Variants in TTC7B observed in about 807,000 individuals in gnomAD.
TTC7B encodes the protein tetratricopeptide repeat protein 7B.
A neutral mutation model predicts 106.8 loss-of-function variants in TTC7B; 28 were observed. The observed-to-expected ratio is 0.26, with a 90% CI of 0.19 to 0.36. The LOEUF is 0.36. TTC7B is among the 10% of genes least tolerant of loss of function. TTC7B has a pLI of 1.00. For synonymous variants in TTC7B, 405 were observed against 430.6 expected, an observed-to-expected ratio of 0.94 and a Z score of 0.74; for missense variants, 862 against 1,076.4, an observed-to-expected ratio of 0.80 and a Z score of 2.79.
Position 90,658,449 on chromosome 14 carries a change from G to A in TTC7B, c.1153-62C>T, listed in dbSNP as rs1312849231. 8 of 1,464,314 alleles carry A rather than the reference G, an allele frequency of 5.5e-6. No homozygotes were observed. The East Asian group carries it at 1.8e-4, about 33-fold the overall frequency. The allele number at this position is 1,464,314 out of a possible 1,614,324, so 90.7% of individuals were successfully genotyped here. A position where few individuals can be genotyped will look rare whatever the true frequency, so the allele number is the denominator to read the frequency against. ...AATCACTGGTGCCACAACTGCACAA[G>A]TGTGAGTTTGTATCTATGCACACTA... On this transcript the variant is annotated intron_variant, in intron 9 of 19. Coordinates refer to ENST00000328459, the MANE Select transcript of TTC7B (RefSeq NM_001010854.2).
rs774730964 is a variant in TTC7B, at chr14:90,689,632, C to G, written c.858G>C (p.Pro286=). The G allele has an allele frequency of 6.2e-7, 1 of 1,614,010 alleles. No individual in the cohort carries two copies. The highest frequency in any genetic ancestry group is 8.5e-7 in the Non-Finnish European group (1 of 1,180,014). The part of the protein sequence containing the change: ...QSYWNPLEDP[P]CQSPLDDPLR... ...GAGGATCGTCCAGAGGTGACTGGCA[C>G]GGTGGATCCTCCAGAGGGTTCCAGT... The change falls in exon 7 of 20, where the codon CCG becomes CCC. Residue 286 remains proline, a synonymous_variant. Coordinates refer to ENST00000328459, the MANE Select transcript of TTC7B (RefSeq NM_001010854.2).
intron 9 of TTC7B, chr14:90,675,257 A>G (rs1886784577): frequency 6.6e-6 from 1 of 152,214 alleles, no homozygotes; most frequent in African/African-American, 2.4e-5. Context: ...TTGAACCTAG[A>G]GAGGTGATAA....
intron 3 of TTC7B, among the ~76,000 whole-genome samples, chr14:90,777,559 C>A (rs912508255): frequency 1.3e-5 from 2 of 152,118 alleles, no homozygotes; most frequent in African/African-American, 4.8e-5. Context: ...CCTCAGGTCA[C>A]CAGGGAAAAG....
rs1595330464 is a variant in TTC7B at position 90,730,092 on chromosome 14, G to A, written c.681C>T (p.Val227=). 2 of 1,611,836 alleles carry A rather than the reference G, an allele frequency of 1.2e-6. No individual in the cohort carries two copies. The highest frequency in any genetic ancestry group is 2.2e-5 in the East Asian group (1 of 44,824). ...TGGCTTACCCATTTTTGAAATAGAG[G>A]ACATGGGCTCTCTGAAGTCCTGTTT... ...FLETGLQRAH[V]LYFKNGNLTR... Residue 227 remains valine (V), a synonymous_variant, in exon 5 of 20, where the codon GTC becomes GTT. Coordinates refer to ENST00000328459, the MANE Select transcript of TTC7B (RefSeq NM_001010854.2).
At position 90,808,263 on chromosome 14, in the gene TTC7B, T is replaced by C. The variant is rs1172370433; in HGVS notation, c.121+7912A>G. ...GAGTTCGAGACCAGAGTGGGCAACATAGGGAAACCCGTCTCTACAGAAAAA... is the reference window on the plus strand; with the variant it reads ...GAGTTCGAGACCAGAGTGGGCAACACAGGGAAACCCGTCTCTACAGAAAAA... On this transcript the variant is annotated intron_variant, in intron 1 of 19. Coordinates refer to ENST00000328459, the MANE Select transcript of TTC7B (RefSeq NM_001010854.2). The surrounding 1 kb of genome is among the most constrained non-coding windows in gnomAD (Gnocchi z 4.2). Among the ~76,000 whole-genome samples the C allele has an allele frequency of 6.6e-6, 1 of 151,956 alleles. No homozygotes were observed. Among genetic ancestry groups the C allele is most frequent in the Non-Finnish European group, 1.5e-5 (1 of 67,990 alleles).
intron 15 of TTC7B, among the ~76,000 whole-genome samples, chr14:90,622,306 A>C (rs1245151665): frequency 6.6e-6 from 1 of 151,932 alleles, no homozygotes; most frequent in African/African-American, 2.4e-5. Flanking sequence ...TTTAGTAAAG[A>C]CAGGGTTTCA....
intron 3 of TTC7B, among the ~76,000 whole-genome samples, chr14:90,754,290 C>T (rs977385258): frequency 4.6e-5 from 7 of 152,214 alleles, no homozygotes; most frequent in Non-Finnish European, 7.3e-5. Flanking sequence ...CTCACACTCT[C>T]GTCTCTATGA....
intron 3 of TTC7B, among the ~76,000 whole-genome samples, chr14:90,773,420 A>G (rs1207828211): frequency 6.6e-6 from 1 of 152,180 alleles, no homozygotes; most frequent in Admixed American, 6.5e-5. Context: ...AAGTGGAAAG[A>G]GTATGGATGC....
intron 13 of TTC7B, among the ~76,000 whole-genome samples, chr14:90,652,239 T>C (rs1885751430): frequency 6.6e-6 from 1 of 152,176 alleles, no homozygotes; most frequent in South Asian, 2.1e-4. Context: ...CTTCCTCACT[T>C]GTGTGTGGTA....
chr14:90,588,437 G>T (rs1445777238), intron 18 of TTC7B, among the ~76,000 whole-genome samples: 1 of 152,162 alleles, frequency 6.6e-6, no homozygotes, highest in East Asian at 1.9e-4. Context: ...CCATCCCAAG[G>T]TGGAAATTGA....
chr14:90,791,045 C>T (rs926904845), intron 1 of TTC7B, among the ~76,000 whole-genome samples: 1 of 152,072 alleles, frequency 6.6e-6, no homozygotes, highest in African/African-American at 2.4e-5. Flanking sequence ...CCTGACCTCC[C>T]GACTCAGCAC....
chr14:90,781,467 G>A (rs1891218126), intron 2 of TTC7B, among the ~76,000 whole-genome samples: 1 of 152,180 alleles, frequency 6.6e-6, no homozygotes, highest in Admixed American at 6.5e-5. Context: ...TAAAGCTGTT[G>A]CAAAAACCAA....
intron 17 of TTC7B, among the ~76,000 whole-genome samples, chr14:90,594,288 T>C (rs1035413471): frequency 3.3e-5 from 5 of 152,316 alleles, no homozygotes; most frequent in African/African-American, 1.2e-4. Flanking sequence ...GTTCAGAATA[T>C]GCACCTGCCT....
At chr14:90,666,899 C>T (rs188325894) in intron 9 of TTC7B, among the ~76,000 whole-genome samples, 32 of 152,320 alleles carry the variant, frequency 2.1e-4, no homozygotes, top group African/African-American at 6.0e-4. Flanking sequence ...CTCAACTCTA[C>T]GAATCAAGTA....
At chr14:90,549,190 TG>T (rs1474813178) in intron 19 of TTC7B, among the ~76,000 whole-genome samples, 3 of 151,110 alleles carry the variant, frequency 2.0e-5, no homozygotes, top group Non-Finnish European at 4.4e-5. Flanking sequence ...TTGCAGCTGG[TG>T]GAGGTCAAAC....
In TTC7B at chr14:90,570,122, C is replaced by T. The variant is rs1595167321; in HGVS notation, c.2310+7984G>A. The T allele has an allele frequency of 4.6e-5, 7 of 152,382 alleles. No individual in the cohort carries two copies. In the South Asian group the frequency reaches 1.4e-3, roughly 32 times the overall value. The allele number at this position is 152,382 out of a possible 1,614,324, so 9.4% of individuals were successfully genotyped here. On this transcript the variant is annotated intron_variant, in intron 19 of 19. Coordinates refer to ENST00000328459, the MANE Select transcript of TTC7B (RefSeq NM_001010854.2). This position sits in a 1 kb window ranked among gnomAD's most constrained non-coding sequence, Gnocchi z 4.0. ...CAACACTGCAGATCAGCCTGGGGAC[C>T]CGGCTGTACCCAGCACACTGAGTGA...
At chr14:90,744,950 G>C in intron 3 of TTC7B, 28 bp from the exon 4 acceptor site, 1 of 1,609,816 alleles carries the variant, frequency 6.2e-7, no homozygotes, top group Non-Finnish European at 8.5e-7. Flanking sequence ...CACAAAAACT[G>C]AGTGAATTTT....
chr14:90,534,362 G>A lies in TTC7B; in HGVS notation c.*7006C>T, dbSNP rs1316608379. 6.6e-6 allele frequency: 1 copy of A among 152,360 alleles called. No homozygotes were observed. The highest frequency in any genetic ancestry group is 1.5e-5 in the Non-Finnish European group (1 of 68,166). The allele number at this position is 152,360 out of a possible 1,614,324, so 9.4% of individuals were successfully genotyped here. A position where few individuals can be genotyped will look rare whatever the true frequency, so the allele number is the denominator to read the frequency against. ...TTCCTGTGTGGGGTCCTCAGGCCCAGTGCGGCTGCTACTGCCCGCCTCCCC... is the reference window on the plus strand; with the variant it reads ...TTCCTGTGTGGGGTCCTCAGGCCCAATGCGGCTGCTACTGCCCGCCTCCCC... On this transcript the variant is annotated 3_prime_UTR_variant, in exon 20 of 20. Coordinates refer to ENST00000328459, the MANE Select transcript of TTC7B (RefSeq NM_001010854.2).
chr14:90,777,865 A>T (rs1434097599), intron 3 of TTC7B, among the ~76,000 whole-genome samples: 1 of 152,220 alleles, frequency 6.6e-6, no homozygotes, highest in East Asian at 1.9e-4. Flanking sequence ...ACTCAGCTTC[A>T]GCTGACATTT....
Sources: gnomAD v4.1 joint callset for allele counts (sites outside exome capture counted in the v4.1 genomes callset) on GRCh38, gnomAD v4.1.1 for gene constraint, Gnocchi (gnomAD v3.1) non-coding constraint, MANE v1.5 for transcripts, NCBI Gene and HGNC (gene_info 2026-07-23, HGNC 2026-07-21) for gene names.